Variants in ENOX2 observed in about 807,000 individuals in gnomAD.
ENOX2 encodes ecto-NOX disulfide-thiol exchanger 2.
A neutral mutation model predicts 45.0 loss-of-function variants in ENOX2; 36 were observed. The ratio of observed to expected loss-of-function variants is 0.80; its 90% CI spans 0.61 to 1.06. ENOX2 has a LOEUF of 1.06. Ranked by LOEUF, ENOX2 falls within the 50% of genes least tolerant of loss-of-function variation. The pLI is 0.00. For synonymous variants in ENOX2, 174 were observed against 152.3 expected (o/e 1.14, Z -1.05); for missense variants, 423 against 462.5 (o/e 0.91, Z 0.78).
At chrX:130,801,249 C>T (rs1349155097) in intron 2 of ENOX2, among the ~76,000 whole-genome samples, 6 of 112,125 alleles carry the variant, frequency 5.4e-5, no homozygotes, top group African/African-American at 1.9e-4. Context: ...GCAAGTGCTT[C>T]CACAATATCC....
intron 3 of ENOX2, among the ~76,000 whole-genome samples, chrX:130,741,186 G>T (rs897561051): frequency 1.8e-5 from 2 of 111,890 alleles, no homozygotes; most frequent in Non-Finnish European, 3.8e-5. Flanking sequence ...ATAGCTGTGG[G>T]ATGGAATAGG....
rs1207229909 is a variant in ENOX2, at chrX:130,794,463, G to C, written c.-182-10773C>G. Among the ~76,000 whole-genome samples, 6 of 112,707 alleles carry C rather than the reference G, an allele frequency of 5.3e-5. No individual in the cohort carries two copies. In the Admixed American group the frequency reaches 5.6e-4, roughly 11 times the overall value. On this transcript the variant is annotated intron_variant, in intron 2 of 14. Coordinates refer to ENST00000394363, the MANE Select transcript of ENOX2 (RefSeq NM_006375.4). ...GTTTTGAAAACTAGCTTGTCAGCCA[G>C]ATCTGGTCAGGAGCCTAGGCTGAGC...
chrX:130,689,921 G>A (rs1205591291), intron 4 of ENOX2, among the ~76,000 whole-genome samples: 2 of 111,132 alleles, frequency 1.8e-5, no homozygotes, highest in Admixed American at 9.6e-5. Context: ...AATCTCACGC[G>A]ATACCATGAA....
intron 12 of ENOX2, 62 bp from the exon 13 acceptor site, chrX:130,631,638 T>A: frequency 1.6e-6 from 1 of 614,426 alleles, no homozygotes; most frequent in Non-Finnish European, 2.8e-6. Flanking sequence ...TGGTTTCAAT[T>A]AACTACACAA....
chrX:130,895,590 G>C (rs2079049698), intron 2 of ENOX2, among the ~76,000 whole-genome samples: 1 of 112,011 alleles, frequency 8.9e-6, no homozygotes, highest in Non-Finnish European at 1.9e-5. Flanking sequence ...CGAGGCATTT[G>C]GACCAGCTTT....
At chrX:130,710,088 T>C (rs1037635661) in intron 3 of ENOX2, among the ~76,000 whole-genome samples, 3 of 112,016 alleles carry the variant, frequency 2.7e-5, no homozygotes, top group Admixed American at 1.9e-4. Flanking sequence ...ATATAATGCT[T>C]ACTATGCACC....
intron 2 of ENOX2, among the ~76,000 whole-genome samples, chrX:130,901,003 G>GA (rs2079136498): frequency 8.9e-6 from 1 of 112,503 alleles, no homozygotes; most frequent in African/African-American, 3.2e-5. Flanking sequence ...AAATAGCTTA[G>GA]AGGTATGATA....
rs781744432 is a variant in ENOX2 at position 130,667,735 on chromosome X, G to T, written c.702C>A (p.Ser234=). The change falls in exon 8 of 15, where the codon TCC becomes TCA. Residue 234 remains serine (S), a synonymous_variant. Transcript: ENST00000394363. ...SIVAEKLKDD[S]KFSEAVQTLL... ...AGGTCTGTACAGCTTCTGAGAATTT[G>T]GAATCATCTGAAAAAAATATATTTT... is the stretch of plus-strand genomic sequence containing the variant. 1.3e-5 allele frequency: 15 copies of T among 1,182,357 alleles called. No individual in the cohort carries two copies. Among genetic ancestry groups the T allele is most frequent in the Non-Finnish European group, 1.7e-5 (15 of 875,861 alleles).
At chrX:130,854,909 A>G (rs1171415221) in intron 2 of ENOX2, among the ~76,000 whole-genome samples, 1 of 111,659 alleles carries the variant, frequency 9.0e-6, no homozygotes, top group Non-Finnish European at 1.9e-5. Flanking sequence ...TAGAGGGGGA[A>G]CTTCCTCAAC....
chrX:130,709,156 T>C (rs900103367), intron 3 of ENOX2: 1 of 816,377 alleles, frequency 1.2e-6, no homozygotes, highest in Non-Finnish European at 1.9e-6. Context: ...CCCTTTACTG[T>C]GACTAGCTCA....
intron 3 of ENOX2, among the ~76,000 whole-genome samples, chrX:130,740,402 CAA>C (rs60025578): frequency 6.3e-5 from 5 of 79,573 alleles, no homozygotes; most frequent in African/African-American, 1.7e-4. Context: ...GACTCTGTCT[CAA>C]AAAAAAAAAA....
chrX:130,791,594 C>T (rs941144984), intron 2 of ENOX2, among the ~76,000 whole-genome samples: 15 of 111,880 alleles, frequency 1.3e-4, no homozygotes, highest in African/African-American at 3.9e-4. Flanking sequence ...CAATTTTCAA[C>T]GCGCTTATCA....
chrX:130,743,612 C>T (rs965446538), intron 3 of ENOX2, among the ~76,000 whole-genome samples: 6 of 110,050 alleles, frequency 5.5e-5, no homozygotes, highest in African/African-American at 1.7e-4. Flanking sequence ...ACTGGGATTA[C>T]AGGCATCTGC....
At chrX:130,897,195 T>A (rs2079071306) in intron 2 of ENOX2, among the ~76,000 whole-genome samples, 1 of 111,969 alleles carries the variant, frequency 8.9e-6, no homozygotes, top group Admixed American at 9.4e-5. Flanking sequence ...TTTCAAAAAA[T>A]AAAGAAAAAC....
intron 2 of ENOX2, among the ~76,000 whole-genome samples, chrX:130,810,966 C>A (rs1326786151): frequency 4.5e-5 from 5 of 112,095 alleles, no homozygotes; most frequent in Non-Finnish European, 9.4e-5. Flanking sequence ...TCTCTGTTAC[C>A]CAAGGCTTCA....
In ENOX2 at chrX:130,640,173, G is replaced by A. The variant is rs142758137; in HGVS notation, c.1130-2763C>T. Among the ~76,000 whole-genome samples the A allele has an allele frequency of 3.1e-3, 349 of 112,017 alleles. 2 individuals carry two copies. Among genetic ancestry groups the A allele is most frequent in the African/African-American group, 0.01 (315 of 30,857 alleles). ...CCTTATGACCTAATCACCCCCAAGG[G>A]CCTCACCCCCTAATAGCACATTGCT... On this transcript the variant is annotated intron_variant, in intron 10 of 14. Transcript: ENST00000394363.
intron 3 of ENOX2, among the ~76,000 whole-genome samples, chrX:130,717,303 A>G (rs767894557): frequency 6.2e-5 from 7 of 112,350 alleles, no homozygotes; most frequent in Non-Finnish European, 1.3e-4. Context: ...CATAAAGATA[A>G]TAAGTCTTTG....
At chrX:130,788,356 T>A (rs1008281692) in intron 2 of ENOX2, among the ~76,000 whole-genome samples, 1 of 112,075 alleles carries the variant, frequency 8.9e-6, no homozygotes, top group Non-Finnish European at 1.9e-5. Context: ...TGAAAAATAT[T>A]AGATTTGGAA....
intron 3 of ENOX2, among the ~76,000 whole-genome samples, chrX:130,765,364 T>C (rs2039591344): frequency 9.0e-6 from 1 of 111,510 alleles, no homozygotes; most frequent in Non-Finnish European, 1.9e-5. Context: ...AATCCTGTGT[T>C]CATTATCCAC....
Sources: gnomAD v4.1 joint callset for allele counts (sites outside exome capture counted in the v4.1 genomes callset) on GRCh38, gnomAD v4.1.1 for gene constraint, MANE v1.5 for transcripts, NCBI Gene and HGNC (gene_info 2026-07-23, HGNC 2026-07-21) for gene names.